The following TENM4 variants were observed in gnomAD, a reference collection of about 807,000 sequenced individuals.
TENM4 encodes teneurin-4.
Under a neutral mutation model 243.3 loss-of-function variants are expected in TENM4, and 82 were observed. The observed-to-expected ratio is 0.34, with a 90% CI of 0.28 to 0.40. The LOEUF is 0.40. Ranked by LOEUF, TENM4 falls within the 10% of genes least tolerant of loss-of-function variation. TENM4 has a pLI of 1.00. For missense variants in TENM4, 3,138 were observed against 3,673.3 expected (o/e 0.85, Z 3.77); for synonymous variants, 1,412 against 1,456.3 (o/e 0.97, Z 0.69).
chr11:79,385,080 A>G (rs1858085043), intron 1 of TENM4, among the ~76,000 whole-genome samples: 3 of 152,148 alleles, frequency 2.0e-5, no homozygotes, highest in South Asian at 2.1e-4. Flanking sequence ...TTGCAGCCCA[A>G]AGTGGCATTG....
intron 3 of TENM4, among the ~76,000 whole-genome samples, chr11:79,154,870 C>T (rs1591319620): frequency 6.6e-6 from 1 of 152,322 alleles, no homozygotes; most frequent in Admixed American, 6.5e-5. Context: ...GGGGTGTCCT[C>T]AGGGGGCCAA....
chr11:79,045,795 A>G (rs1191926108), intron 6 of TENM4, among the ~76,000 whole-genome samples: 1 of 151,138 alleles, frequency 6.6e-6, no homozygotes, highest in Non-Finnish European at 1.5e-5. Context: ...GAAAGACTTC[A>G]CCTTTGCCTG....
intron 22 of TENM4, among the ~76,000 whole-genome samples, chr11:78,727,205 T>C (rs1339033339): frequency 6.6e-6 from 1 of 152,148 alleles, no homozygotes; most frequent in Non-Finnish European, 1.5e-5. Flanking sequence ...TCCCAGCACT[T>C]TGGGAGGCCG....
chr11:79,040,620 A>T (rs1859497930), intron 6 of TENM4, among the ~76,000 whole-genome samples: 1 of 152,216 alleles, frequency 6.6e-6, no homozygotes, highest in African/African-American at 2.4e-5. Context: ...AAGCAGGGGA[A>T]CAGAGGAAGT....
intron 30 of TENM4, 114 bp from the exon 31 acceptor site, chr11:78,672,443 AC>A: frequency 8.9e-7 from 1 of 1,124,028 alleles, no homozygotes; most frequent in Non-Finnish European, 1.3e-6. Flanking sequence ...AGGAGGGAGC[AC>A]AGTCCTGCGC....
intron 12 of TENM4, among the ~76,000 whole-genome samples, chr11:78,841,089 T>C (rs1254087282): frequency 1.3e-5 from 2 of 152,202 alleles, no homozygotes; most frequent in African/African-American, 4.8e-5. Flanking sequence ...ATATAGCACC[T>C]ATTACATGCC....
chr11:79,109,686 T>A (rs1861461321), intron 4 of TENM4, among the ~76,000 whole-genome samples: 1 of 152,232 alleles, frequency 6.6e-6, no homozygotes. Context: ...AACGAGTACA[T>A]GTTTGGAAAG....
chr11:79,089,724 C>T (rs1255703517), intron 4 of TENM4, among the ~76,000 whole-genome samples: 4 of 152,178 alleles, frequency 2.6e-5, no homozygotes, highest in African/African-American at 9.7e-5. Flanking sequence ...CTCAAGAGAG[C>T]TGACTTTGAG....
At chr11:78,723,864 C>T (rs757957320) in intron 23 of TENM4, among the ~76,000 whole-genome samples, 7 of 152,172 alleles carry the variant, frequency 4.6e-5, no homozygotes, top group South Asian at 2.1e-4. Flanking sequence ...TTAATTTTTA[C>T]GTACTCTAAT....
At chr11:79,336,919 A>C (rs1857157395) in intron 1 of TENM4, among the ~76,000 whole-genome samples, 1 of 152,188 alleles carries the variant, frequency 6.6e-6, no homozygotes, top group Admixed American at 6.5e-5. Context: ...TGTAATTTCC[A>C]AGGCTGAGAC....
intron 1 of TENM4, among the ~76,000 whole-genome samples, chr11:79,424,277 C>A (rs1332617305): frequency 1.3e-5 from 2 of 152,220 alleles, no homozygotes; most frequent in Admixed American, 6.5e-5. Context: ...TCACAGAACA[C>A]CCCCTACAAC....
intron 4 of TENM4, among the ~76,000 whole-genome samples, chr11:79,075,453 T>C (rs1022524184): frequency 1.3e-5 from 2 of 152,240 alleles, no homozygotes; most frequent in African/African-American, 4.8e-5. Flanking sequence ...TTAGATGTTT[T>C]GTAAACTGTA....
At chr11:79,363,328 A>G (rs1857622666) in intron 1 of TENM4, among the ~76,000 whole-genome samples, 1 of 152,248 alleles carries the variant, frequency 6.6e-6, no homozygotes, top group Non-Finnish European at 1.5e-5. Flanking sequence ...CAGGCATTTA[A>G]GTTTAGAACT....
At chr11:79,028,777 G>A (rs7926930) in intron 6 of TENM4, among the ~76,000 whole-genome samples, 49,115 of 152,058 alleles carry the variant, frequency 0.32, 8,749 homozygotes, top group African/African-American at 0.45. Flanking sequence ...GGTATTACCC[G>A]CTCTCCAAGG....
rs1417952714 is a variant in TENM4 at position 79,225,258 on chromosome 11, G to A, written c.-264-9349C>T. Among the ~76,000 whole-genome samples the A allele has an allele frequency of 3.3e-5, 5 of 152,274 alleles. No individual in the cohort carries two copies. The East Asian group carries it at 9.7e-4, about 29-fold the overall frequency. Reference sequence around the variant, plus strand: ...GGAAAGCACGTCTGCAGTGAGAGAAGGAAGCTTACACGCCTAAGAAAAGCA... The same window carrying A: ...GGAAAGCACGTCTGCAGTGAGAGAAAGAAGCTTACACGCCTAAGAAAAGCA... On this transcript the variant is annotated intron_variant, in intron 2 of 33. Coordinates refer to ENST00000278550, the MANE Select transcript of TENM4 (RefSeq NM_001098816.3).
At chr11:79,288,582 G>A (rs1459886182) in intron 2 of TENM4, among the ~76,000 whole-genome samples, 1 of 152,196 alleles carries the variant, frequency 6.6e-6, no homozygotes, top group Admixed American at 6.5e-5. Flanking sequence ...AAGAGCACAG[G>A]CTTTGGGAGA....
chr11:78,871,238 G>A (rs902718638), intron 9 of TENM4, among the ~76,000 whole-genome samples: 6 of 152,176 alleles, frequency 3.9e-5, no homozygotes, highest in Admixed American at 1.3e-4. Context: ...ATAAGACGGT[G>A]ATAATAATAC....
Position 78,770,974 on chromosome 11 carries a change from T to C in TENM4, c.2539+18A>G. ...ACCCTCTGGAGCCGCCTGGAGCCCATGGGTGCCAGAGCCCTACCTCCATCA... is the reference window on the plus strand; with the variant it reads ...ACCCTCTGGAGCCGCCTGGAGCCCACGGGTGCCAGAGCCCTACCTCCATCA... On this transcript the variant is annotated intron_variant, in intron 18 of 33. Transcript: ENST00000278550. The C allele has an allele frequency of 6.4e-7, 1 of 1,573,798 alleles. No individual in the cohort carries two copies. The highest frequency in any genetic ancestry group is 8.6e-7 in the Non-Finnish European group (1 of 1,159,432).
At chr11:79,349,069 A>G (rs495277) in intron 1 of TENM4, among the ~76,000 whole-genome samples, 150,556 of 152,260 alleles carry the variant, frequency 0.99, 74,501 homozygotes, top group Middle Eastern at 1. Context: ...CCAGGACTAC[A>G]ATACCAGGGT....
Sources: gnomAD v4.1 joint callset for allele counts (sites outside exome capture counted in the v4.1 genomes callset) on GRCh38, gnomAD v4.1.1 for gene constraint, MANE v1.5 for transcripts, NCBI Gene and HGNC (gene_info 2026-07-23, HGNC 2026-07-21) for gene names.